QSOX2: variants seen among roughly 807,000 people sequenced by gnomAD.
QSOX2 encodes the protein sulfhydryl oxidase 2.
Under a neutral mutation model 61.7 loss-of-function variants are expected in QSOX2, and 46 were observed. The ratio of observed to expected loss-of-function variants is 0.75; its 90% CI spans 0.59 to 0.95. The LOEUF is 0.95. Ranked by LOEUF, QSOX2 falls within the 40% of genes least tolerant of loss-of-function variation. QSOX2 has a pLI of 0.00. For synonymous variants in QSOX2, 383 were observed against 388.4 expected (o/e 0.99, Z 0.16); for missense variants, 879 against 918.9 (o/e 0.96, Z 0.56).
rs368084958 is a variant in QSOX2, at chr9:136,226,761, G to A, written c.429+13C>T. 23 of 1,602,376 alleles carry A rather than the reference G, an allele frequency of 1.4e-5. No individual in the cohort carries two copies. In the African/African-American group the frequency reaches 2.0e-4, roughly 14 times the overall value. The stretch of plus-strand genomic sequence containing the variant: ...GGTGAATTTCAACGGACAAGCAGCC[G>A]CGTGATACTCACCCGGAAGGTGGGG... On this transcript the variant is annotated intron_variant, in intron 2 of 11. Coordinates refer to ENST00000358701, the MANE Select transcript of QSOX2 (RefSeq NM_181701.4).
intron 1 of QSOX2, among the ~76,000 whole-genome samples, chr9:136,244,341 A>T (rs1830453943): frequency 6.6e-6 from 1 of 152,258 alleles, no homozygotes; most frequent in South Asian, 2.1e-4. Flanking sequence ...CATTAGAATC[A>T]AAAGGCCCCA....
Position 136,223,779 on chromosome 9 carries a change from G to T in QSOX2, c.659C>A (p.Ser220Tyr). 6.2e-7 allele frequency: 1 copy of T among 1,614,018 alleles called. No individual in the cohort carries two copies. Among genetic ancestry groups the T allele is most frequent in the Non-Finnish European group, 8.5e-7 (1 of 1,180,002 alleles). Residue 220 changes from serine to tyrosine, a missense_variant, in exon 5 of 12, where the codon TCC (serine) becomes TAC (tyrosine). Physicochemically the swap from Ser to Tyr is moderately radical, Grantham distance 144 (BLOSUM62 -2). Coordinates refer to ENST00000358701, the MANE Select transcript of QSOX2 (RefSeq NM_181701.4). The surrounding 1 kb of genome is among the most constrained non-coding windows in gnomAD (Gnocchi z 4.4). ...YVAIVFESNS[S>Y]YLGREVILDL... Reference sequence around the variant, plus strand: ...AGGCCGTACCTCCCGTCCAAGGTAGGAGCTGTTGCTTTCAAAGACAATAGC... The same window carrying T: ...AGGCCGTACCTCCCGTCCAAGGTAGTAGCTGTTGCTTTCAAAGACAATAGC...
intron 3 of QSOX2, 76 bp from the exon 4 acceptor site, chr9:136,224,188 G>T: frequency 8.5e-7 from 1 of 1,172,570 alleles, no homozygotes; most frequent in Non-Finnish European, 1.2e-6. Context: ...AGGGACAGCA[G>T]CCCCGTCCCA....
chr9:136,210,571 C>T, intron 11 of QSOX2: 2 of 985,458 alleles, frequency 2.0e-6, no homozygotes, highest in Non-Finnish European at 2.4e-6. Flanking sequence ...ACCCCGCAGA[C>T]ACACAGCGCC....
chr9:136,239,219 G>A (rs956640368), intron 1 of QSOX2, among the ~76,000 whole-genome samples: 6 of 152,186 alleles, frequency 3.9e-5, no homozygotes, highest in African/African-American at 1.2e-4. Flanking sequence ...GTCTCACTCC[G>A]TCACCCAGGC....
At chr9:136,241,153 T>C (rs1011735131) in intron 1 of QSOX2, among the ~76,000 whole-genome samples, 1 of 152,200 alleles carries the variant, frequency 6.6e-6, no homozygotes, top group Non-Finnish European at 1.5e-5. Context: ...CCATCCTTTC[T>C]GTAAAATACT....
intron 6 of QSOX2, among the ~76,000 whole-genome samples, chr9:136,220,084 T>G (rs1392405292): frequency 6.6e-6 from 1 of 152,214 alleles, no homozygotes; most frequent in Non-Finnish European, 1.5e-5. Context: ...CAGGCTGGAG[T>G]GCAGTGGTGC....
rs1398661329 is a variant in QSOX2 at position 136,211,337 on chromosome 9, G to A, written c.1476C>T (p.Asp492=). The change falls in exon 11 of 12, where the codon GAC becomes GAT. Residue 492 remains aspartate (D), a synonymous_variant. Transcript: ENST00000358701. ...HFEEMAKESM[D]SVKTPDQAIL... ...TGGCTTGGTCTGGGGTTTTCACCGA[G>A]TCCATGGATTCTTTAGCCATTTCCT... The A allele has an allele frequency of 1.2e-6, 2 of 1,614,102 alleles. No homozygotes were observed. The highest frequency in any genetic ancestry group is 8.5e-7 in the Non-Finnish European group (1 of 1,180,048).
chr9:136,210,164 T>G (rs1347945382), intron 11 of QSOX2: 3 of 985,336 alleles, frequency 3.0e-6, no homozygotes, highest in Non-Finnish European at 3.6e-6. Context: ...AGTGGCACCT[T>G]GGTCAGAAGC....
rs1333066737 is a variant in QSOX2, at chr9:136,221,215, C to G, written c.821+581G>C. On this transcript the variant is annotated intron_variant, in intron 6 of 11. Coordinates refer to ENST00000358701, the MANE Select transcript of QSOX2 (RefSeq NM_181701.4). The surrounding 1 kb of genome is among the most constrained non-coding windows in gnomAD (Gnocchi z 4.5). ...CACGCAGGGGCAAAGGGCTTATCCT[C>G]ATGAGGGGCACACAGGCACCCCACG... 7.0e-6 allele frequency among the ~76,000 whole-genome samples: 1 copy of G among 143,486 alleles called. No homozygotes were observed. The highest frequency in any genetic ancestry group is 1.5e-5 in the Non-Finnish European group (1 of 66,790). 94.1% of individuals were successfully genotyped at this position (143,486 alleles called of 152,430 possible). A position where few individuals can be genotyped will look rare whatever the true frequency, so the allele number is the denominator to read the frequency against.
intron 2 of QSOX2, among the ~76,000 whole-genome samples, chr9:136,226,416 G>C (rs1452781033): frequency 6.6e-6 from 1 of 152,176 alleles, no homozygotes; most frequent in Non-Finnish European, 1.5e-5. Context: ...CATGGTACAC[G>C]GACCACACGC....
At chr9:136,212,878 G>A (rs1418883185) in intron 10 of QSOX2, among the ~76,000 whole-genome samples, 1 of 152,214 alleles carries the variant, frequency 6.6e-6, no homozygotes, top group African/African-American at 2.4e-5. Flanking sequence ...GGTCGCCTCT[G>A]ACCCAATTCT....
intron 10 of QSOX2, among the ~76,000 whole-genome samples, chr9:136,213,659 G>A (rs1457742522): frequency 6.0e-5 from 9 of 150,436 alleles, no homozygotes; most frequent in Admixed American, 1.3e-4. Context: ...CCCCCATCCC[G>A]GGACACTCTC....
chr9:136,245,736 C>G lies in QSOX2; in HGVS notation c.68G>C (p.Arg23Pro). 1 of 1,148,402 alleles carries G rather than the reference C, an allele frequency of 8.7e-7. No individual in the cohort carries two copies. Among genetic ancestry groups the G allele is most frequent in the East Asian group, 4.1e-5 (1 of 24,210 alleles). The allele number at this position is 1,148,402 out of a possible 1,614,324, so 71.1% of individuals were successfully genotyped here. Reference sequence around the variant, plus strand: ...TGCGGCCCGCGGCGGGGGCGAGCGCCGGGCTCTCAGCGCAGGTCCCGCTCC... The same window carrying G: ...TGCGGCCCGCGGCGGGGGCGAGCGCGGGGCTCTCAGCGCAGGTCCCGCTCC... ...GIGAGPALRA[R>P]RSPPPRAARL... The change falls in exon 1 of 12, where the codon CGG becomes CCG. Residue 23 changes from arginine to proline, a missense_variant. Physicochemically the swap from Arg to Pro is moderately radical, Grantham distance 103. Transcript: ENST00000358701.
chr9:136,237,456 A>ACACCTGGAGCCCG (rs1457623529), intron 1 of QSOX2, among the ~76,000 whole-genome samples: 2 of 67,904 alleles, frequency 2.9e-5, no homozygotes, highest in East Asian at 5.7e-4. Context: ...CCTGGAGCCC[A>ACACCTGGAGCCCG]TCCTGTGCCG....
intron 10 of QSOX2, among the ~76,000 whole-genome samples, chr9:136,214,654 A>T (rs1831887252): frequency 1.3e-5 from 2 of 152,174 alleles, no homozygotes; most frequent in Non-Finnish European, 2.9e-5. Flanking sequence ...GGCCCAGCTG[A>T]CACTCCGACT....
At chr9:136,218,838 T>C (rs765704218) in intron 7 of QSOX2, 30 bp from the exon 8 acceptor site, 10 of 1,605,862 alleles carry the variant, frequency 6.2e-6, no homozygotes, top group Non-Finnish European at 8.5e-6. Flanking sequence ...CGTCAGGGAA[T>C]GCCCAACCTT....
In QSOX2 at chr9:136,208,839, A is replaced by C; in HGVS notation, c.1986T>G (p.Ser662Arg). ...AAGCCACGTACAGCACGACACAGAG[A>C]CTCATGTCCAGGCTGGAGAAGTCAA... is the stretch of plus-strand genomic sequence containing the variant. ...LGVDFSSLDM[S>R]LCVVLYVASS... Residue 662 changes from serine to arginine, a missense_variant, in exon 12 of 12, where the codon AGT becomes AGG. Ser to Arg is a moderately radical substitution (Grantham distance 110). Transcript: ENST00000358701. 1 of 1,613,824 alleles carries C rather than the reference A, an allele frequency of 6.2e-7. No individual in the cohort carries two copies. The highest frequency in any genetic ancestry group is 8.5e-7 in the Non-Finnish European group (1 of 1,179,980).
intron 8 of QSOX2, among the ~76,000 whole-genome samples, chr9:136,217,666 G>T (rs767730061): frequency 3.3e-5 from 5 of 152,232 alleles, no homozygotes; most frequent in South Asian, 2.1e-4. Flanking sequence ...AGACTAAGGG[G>T]AAGACGGAGA....
Sources: gnomAD v4.1 joint callset for allele counts (sites outside exome capture counted in the v4.1 genomes callset) on GRCh38, gnomAD v4.1.1 for gene constraint, Gnocchi (gnomAD v3.1) non-coding constraint, MANE v1.5 for transcripts, NCBI Gene and HGNC (gene_info 2026-07-23, HGNC 2026-07-21) for gene names.